The following KCNMA1 variants were observed in gnomAD, a reference collection of about 807,000 sequenced individuals.
KCNMA1 encodes potassium calcium-activated channel subfamily M alpha 1, also known as Calcium-activated potassium channel subunit alpha-1.
Under a neutral mutation model 140.0 loss-of-function variants are expected in KCNMA1, and 29 were observed. The observed-to-expected ratio is 0.21, with a 90% CI of 0.15 to 0.28. KCNMA1 has a LOEUF of 0.28. Among genes scored for constraint, KCNMA1 ranks in the 10% least tolerant of loss-of-function variants. KCNMA1 has a pLI of 1.00. For synonymous variants in KCNMA1, 612 were observed against 611.9 expected (o/e 1.00, Z 0.00); for missense variants, 880 against 1,602.2 (o/e 0.55, Z 7.70).
rs538609664 is a variant in KCNMA1, at chr10:77,035,902, G to A, written c.1859+3626C>T. On this transcript the variant is annotated intron_variant, in intron 15 of 27. Transcript: ENST00000286628. ...GCATCTGTGATGGTTAATATTGAGTGTCAACTTGATTGGACTGAAGGATAC... is the reference window on the plus strand; with the variant it reads ...GCATCTGTGATGGTTAATATTGAGTATCAACTTGATTGGACTGAAGGATAC... 5.3e-5 allele frequency among the ~76,000 whole-genome samples: 8 copies of A among 152,306 alleles called. No homozygotes were observed. The East Asian group carries it at 5.8e-4, about 11-fold the overall frequency.
chr10:77,422,356 C>T (rs897774787), intron 1 of KCNMA1, among the ~76,000 whole-genome samples: 6 of 152,192 alleles, frequency 3.9e-5, no homozygotes, highest in African/African-American at 7.2e-5. Context: ...TCTCAGCTGA[C>T]GCTAATGCTG....
At chr10:76,940,994 A>AGAGAAAGGAAGGAAGGAAGG (rs1565056414) in intron 23 of KCNMA1, among the ~76,000 whole-genome samples, 20 of 52,288 alleles carry the variant, frequency 3.8e-4, no homozygotes, top group African/African-American at 1.5e-3. Context: ...AGAAAGAGAG[A>AGAGAAAGGAAGGAAGGAAGG]AAGAAAGGAA....
intron 1 of KCNMA1, among the ~76,000 whole-genome samples, chr10:77,487,375 A>C (rs866379459): frequency 6.6e-6 from 1 of 152,224 alleles, no homozygotes; most frequent in Non-Finnish European, 1.5e-5. Flanking sequence ...CAAGCCACAC[A>C]GAAGTGTAAT....
intron 2 of KCNMA1, among the ~76,000 whole-genome samples, chr10:77,308,235 G>A (rs910534225): frequency 6.6e-6 from 1 of 152,162 alleles, no homozygotes; most frequent in African/African-American, 2.4e-5. Context: ...AGCCAAGATG[G>A]CTGTCACTCC....
At chr10:77,559,294 T>A (rs1267878819) in intron 1 of KCNMA1, among the ~76,000 whole-genome samples, 1 of 152,198 alleles carries the variant, frequency 6.6e-6, no homozygotes, top group Non-Finnish European at 1.5e-5. Flanking sequence ...GCATGCCTAC[T>A]ACCACCACCC....
chr10:77,366,715 T>C (rs891521883), intron 2 of KCNMA1, among the ~76,000 whole-genome samples: 1 of 152,180 alleles, frequency 6.6e-6, no homozygotes, highest in Non-Finnish European at 1.5e-5. Flanking sequence ...AAGTCCACTC[T>C]ACACACACAT....
At chr10:76,919,959 T>A (rs2054640311) in intron 23 of KCNMA1, among the ~76,000 whole-genome samples, 4 of 137,626 alleles carry the variant, frequency 2.9e-5, no homozygotes, top group Non-Finnish European at 4.7e-5. Flanking sequence ...AATCCTAGAA[T>A]ACTAATGAGA....
intron 25 of KCNMA1, among the ~76,000 whole-genome samples, chr10:76,895,876 G>A (rs1186422944): frequency 1.3e-5 from 2 of 152,166 alleles, no homozygotes; most frequent in Non-Finnish European, 2.9e-5. Context: ...ATTTTCAAAG[G>A]GGAGGGAGTG....
intron 1 of KCNMA1, among the ~76,000 whole-genome samples, chr10:77,491,277 G>C (rs2039734275): frequency 6.6e-6 from 1 of 152,134 alleles, no homozygotes; most frequent in Non-Finnish European, 1.5e-5. Flanking sequence ...ACTGGCCCAG[G>C]AGACCACTGA....
intron 1 of KCNMA1, among the ~76,000 whole-genome samples, chr10:77,615,072 C>T (rs2088877115): frequency 6.6e-6 from 1 of 152,138 alleles, no homozygotes; most frequent in Non-Finnish European, 1.5e-5. Flanking sequence ...AGACAAATAC[C>T]AGATGTTAAG....
intron 3 of KCNMA1, among the ~76,000 whole-genome samples, chr10:77,198,303 T>C (rs1029661554): frequency 2.6e-5 from 4 of 152,082 alleles, no homozygotes; most frequent in Admixed American, 6.6e-5. Context: ...CGTAATGTAG[T>C]GTTGAAGGAA....
chr10:76,880,889 C>A (rs79896442), downstream of KCNMA1, among the ~76,000 whole-genome samples: 1 of 152,072 alleles, frequency 6.6e-6, no homozygotes, highest in Non-Finnish European at 1.5e-5. Context: ...GGCAATTGAT[C>A]GGGGTGGGAG....
At chr10:77,228,313 G>T (rs528793031) in intron 3 of KCNMA1, among the ~76,000 whole-genome samples, 1 of 152,090 alleles carries the variant, frequency 6.6e-6, no homozygotes, top group African/African-American at 2.4e-5. Context: ...TGAATTAGGG[G>T]GTAAGCCAAC....
At chr10:77,352,624 GT>G (rs1409719006) in intron 2 of KCNMA1, among the ~76,000 whole-genome samples, 4 of 50,124 alleles carry the variant, frequency 8.0e-5, no homozygotes, top group Admixed American at 1.5e-4. Context: ...AGTACAGGGT[GT>G]GTGTGTGTGT....
chr10:76,877,213 G>C (rs1001594994), downstream of KCNMA1: 10 of 153,222 alleles, frequency 6.5e-5, no homozygotes, highest in African/African-American at 2.2e-4. Context: ...GCGAGGAGCA[G>C]GTATTCACCT....
At chr10:76,883,729 T>TG (rs2035604928), downstream of KCNMA1, among the ~76,000 whole-genome samples, 1 of 150,250 alleles carries the variant, frequency 6.7e-6, no homozygotes, top group South Asian at 2.1e-4. Flanking sequence ...TTGTTTTTTT[T>TG]TTTTTTTTTT....
chr10:77,308,538 G>A (rs1229535306), intron 2 of KCNMA1, among the ~76,000 whole-genome samples: 1 of 152,132 alleles, frequency 6.6e-6, no homozygotes, highest in African/African-American at 2.4e-5. Context: ...ATTCCTCTAA[G>A]TGCACTATTA....
chr10:77,350,759 G>A (rs2092777686), intron 2 of KCNMA1: 1 of 152,222 alleles, frequency 6.6e-6, no homozygotes, highest in Non-Finnish European at 1.5e-5. Flanking sequence ...CCCCTCTTCA[G>A]CTGCCTTCCT....
At chr10:77,555,653 T>C (rs1176102833) in intron 1 of KCNMA1, among the ~76,000 whole-genome samples, 1 of 152,194 alleles carries the variant, frequency 6.6e-6, no homozygotes, top group Non-Finnish European at 1.5e-5. Flanking sequence ...AGCCCCACTC[T>C]GGGGTTAAGA....
Sources: gnomAD v4.1 joint callset for allele counts (sites outside exome capture counted in the v4.1 genomes callset) on GRCh38, gnomAD v4.1.1 for gene constraint, MANE v1.5 for transcripts, NCBI Gene and HGNC (gene_info 2026-07-23, HGNC 2026-07-21) for gene names.